METTL24: variants seen among roughly 807,000 people sequenced by gnomAD.
The protein encoded by METTL24 is probable methyltransferase-like protein 24.
METTL24 carries 29 observed loss-of-function variants against 32.7 expected under a neutral mutation model. That is an observed-to-expected ratio of 0.89 (90% confidence interval 0.66 to 1.21). The LOEUF (loss-of-function observed/expected upper bound fraction) is 1.21, where lower values mean the gene tolerates loss of function less well. Among genes scored for constraint, METTL24 ranks in the 50% most tolerant of loss-of-function variants. The probability of loss-of-function intolerance (pLI) is 0.00; values close to 1 mark genes in which losing one functional copy is unlikely to be tolerated. For missense variants in METTL24, 439 were observed against 468.1 expected (o/e 0.94, Z 0.57); for synonymous variants, 163 against 179.5 (o/e 0.91, Z 0.73).
intron 4 of METTL24, among the ~76,000 whole-genome samples, chr6:110,247,182 C>G (rs1291011086): frequency 2.0e-5 from 3 of 152,176 alleles, no homozygotes; most frequent in Non-Finnish European, 1.5e-5. Context: ...TGCCTGACAC[C>G]ATGCTAAGGG....
At chr6:110,278,787 C>A (rs573029501) in intron 4 of METTL24, among the ~76,000 whole-genome samples, 2 of 151,998 alleles carry the variant, frequency 1.3e-5, no homozygotes, top group African/African-American at 4.8e-5. Context: ...TTTGGGAGGC[C>A]GAAGTGGGAA....
chr6:110,311,737 G>C (rs1771727659), intron 3 of METTL24, among the ~76,000 whole-genome samples: 1 of 152,176 alleles, frequency 6.6e-6, no homozygotes, highest in African/African-American at 2.4e-5. Context: ...GCCTCAAAAA[G>C]TGCTGGGCTT....
intron 4 of METTL24, among the ~76,000 whole-genome samples, chr6:110,247,953 T>TC (rs1778199704): frequency 6.6e-6 from 1 of 152,046 alleles, no homozygotes; most frequent in Non-Finnish European, 1.5e-5. Context: ...TGAGAGGTGT[T>TC]TGGGTCATAG....
At chr6:110,355,876 C>G (rs1208112321) in intron 1 of METTL24, among the ~76,000 whole-genome samples, 3 of 152,154 alleles carry the variant, frequency 2.0e-5, no homozygotes, top group Non-Finnish European at 2.9e-5. Flanking sequence ...TGGCAGCCTC[C>G]TAGCTCCTAG....
At chr6:110,275,399 G>T (rs900603940) in intron 4 of METTL24, among the ~76,000 whole-genome samples, 2 of 151,724 alleles carry the variant, frequency 1.3e-5, no homozygotes, top group African/African-American at 4.8e-5. Flanking sequence ...TCTTTCTCTT[G>T]CCTCTATGCC....
intron 4 of METTL24, among the ~76,000 whole-genome samples, chr6:110,295,843 T>A (rs575124319): frequency 9.6e-5 from 9 of 93,574 alleles, no homozygotes; most frequent in East Asian, 8.6e-4. Context: ...GGAAGGAAGG[T>A]TCTCTATAAA....
At chr6:110,279,269 C>A (rs536927425) in intron 4 of METTL24, among the ~76,000 whole-genome samples, 1 of 152,250 alleles carries the variant, frequency 6.6e-6, no homozygotes, top group Non-Finnish European at 1.5e-5. Context: ...TAAATAGATA[C>A]ATGGTGTATT....
intron 4 of METTL24, among the ~76,000 whole-genome samples, chr6:110,259,532 C>A (rs566785746): frequency 6.6e-6 from 1 of 152,240 alleles, no homozygotes; most frequent in Non-Finnish European, 1.5e-5. Context: ...TGGACTCCAC[C>A]TCTGGGGGCA....
intron 1 of METTL24, among the ~76,000 whole-genome samples, chr6:110,341,763 C>G (rs1351785619): frequency 6.6e-6 from 1 of 152,196 alleles, no homozygotes; most frequent in East Asian, 1.9e-4. Flanking sequence ...TTATCTCAAT[C>G]CAGTAATTTA....
intron 4 of METTL24, among the ~76,000 whole-genome samples, chr6:110,269,092 T>G (rs1020760696): frequency 6.6e-6 from 1 of 152,086 alleles, no homozygotes; most frequent in African/African-American, 2.4e-5. Flanking sequence ...TCTCCATTCC[T>G]TAGGAAGGGA....
At chr6:110,262,471 A>T (rs1770754450) in intron 4 of METTL24, among the ~76,000 whole-genome samples, 1 of 152,230 alleles carries the variant, frequency 6.6e-6, no homozygotes, top group Admixed American at 6.5e-5. Flanking sequence ...TGAGACAATA[A>T]TTAATAGCTT....
At chr6:110,248,630 C>A (rs1189830741) in intron 4 of METTL24, among the ~76,000 whole-genome samples, 2 of 151,950 alleles carry the variant, frequency 1.3e-5, no homozygotes, top group African/African-American at 2.4e-5. Flanking sequence ...TAAAATAATT[C>A]TTGTGAATCA....
chr6:110,315,400 C>A lies in METTL24; in HGVS notation c.499G>T (p.Asp167Tyr). 6.2e-7 allele frequency: 1 copy of A among 1,614,152 alleles called. No homozygotes were observed. Among genetic ancestry groups the A allele is most frequent in the South Asian group, 1.1e-5 (1 of 91,074 alleles). ...ATTTGATGAGCTAAATTGAACCTGT[C>A]GTCAAGACACACTGACCAGGGCTTG... ...THKPWSVCLDDRFNLAHQIRN... is the reference protein window; with the variant it reads ...THKPWSVCLDYRFNLAHQIRN... Residue 167 changes from aspartate (D) to tyrosine (Y), a missense_variant, in exon 3 of 5, where the codon GAC becomes TAC. Physicochemically the swap from Asp to Tyr is radical, Grantham distance 160 (BLOSUM62 -3). Transcript: ENST00000338882.
At chr6:110,250,843 A>G (rs967944140) in intron 4 of METTL24, among the ~76,000 whole-genome samples, 3 of 152,214 alleles carry the variant, frequency 2.0e-5, no homozygotes, top group Non-Finnish European at 4.4e-5. Flanking sequence ...CTTCTCAGCC[A>G]CATGATCAGG....
chr6:110,261,226 TCTCGTGCAGAGA>T lies in METTL24; in HGVS notation c.787-14978_787-14967del, dbSNP rs1770718713. Among the ~76,000 whole-genome samples the T allele has an allele frequency of 2.0e-5, 3 of 152,022 alleles. No individual in the cohort carries two copies. The South Asian group carries it at 6.2e-4, about 32-fold the overall frequency. On this transcript the variant is annotated intron_variant, in intron 4 of 4. Coordinates refer to ENST00000338882, the MANE Select transcript of METTL24 (RefSeq NM_001123364.3). ...GTGTGCTGTATTCAGGAAACCCATCTCTCGTGCAGAGACACATATAGGCTCAAAATAAAGGGA... is the reference window on the plus strand; with the variant it reads ...GTGTGCTGTATTCAGGAAACCCATCTCACATATAGGCTCAAAATAAAGGGA...
At chr6:110,349,375 A>T (rs1772548191) in intron 1 of METTL24, among the ~76,000 whole-genome samples, 1 of 152,234 alleles carries the variant, frequency 6.6e-6, no homozygotes, top group Non-Finnish European at 1.5e-5. Context: ...AATGTTCCAG[A>T]TGGCAGTCAC....
In METTL24 at chr6:110,315,347, G is replaced by A. The variant is rs1351719512; in HGVS notation, c.552C>T (p.Ser184=). 1 of 1,614,050 alleles carries A rather than the reference G, an allele frequency of 6.2e-7. No homozygotes were observed. The highest frequency in any genetic ancestry group is 8.5e-7 in the Non-Finnish European group (1 of 1,180,044). Residue 184 remains serine (S), a synonymous_variant, in exon 3 of 5, where the codon TCC becomes TCT. Coordinates refer to ENST00000338882, the MANE Select transcript of METTL24 (RefSeq NM_001123364.3). ...QIRNKQCRLY[S]LGLGSDDTHF... is the part of the protein sequence containing the mutation. ...CTGTAAAAAAATGTACTCACCCTAA[G>A]GAGTAGAGGCGGCACTGCTTGTTGC...
intron 4 of METTL24, among the ~76,000 whole-genome samples, chr6:110,274,664 T>A (rs75688631): frequency 0.072 from 10,871 of 151,704 alleles, 434 homozygotes; most frequent in South Asian, 0.16. Flanking sequence ...CATAAAAAAA[T>A]TTTTTTTAAG....
At chr6:110,252,295 G>A (rs1778295812) in intron 4 of METTL24, among the ~76,000 whole-genome samples, 1 of 152,152 alleles carries the variant, frequency 6.6e-6, no homozygotes, top group Non-Finnish European at 1.5e-5. Context: ...CAAGATCAAC[G>A]TGTCAGCAGG....
Sources: allele counts gnomAD v4.1 joint callset (sites outside exome capture counted in the v4.1 genomes callset), GRCh38; gene constraint gnomAD v4.1.1; transcripts MANE v1.5; gene names NCBI Gene and HGNC (gene_info 2026-07-23, HGNC 2026-07-21).